Variants in SRP72 observed in about 807,000 individuals in gnomAD.
SRP72 encodes the protein signal recognition particle subunit SRP72.
Under a neutral mutation model 96.3 loss-of-function variants are expected in SRP72, and 49 were observed. The ratio of observed to expected loss-of-function variants is 0.51; its 90% CI spans 0.40 to 0.65. SRP72 has a LOEUF of 0.65. SRP72 is among the 30% of genes least tolerant of loss of function. The pLI is 0.00. For missense variants in SRP72, 736 were observed against 793.3 expected (o/e 0.93, Z 0.87); for synonymous variants, 267 against 275.2 (o/e 0.97, Z 0.30).
chr4:56,483,604 GT>G (rs1391659189), intron 9 of SRP72, among the ~76,000 whole-genome samples: 1 of 151,638 alleles, frequency 6.6e-6, no homozygotes, highest in East Asian at 1.9e-4. Context: ...CACAAGAATT[GT>G]TTGCAGTGAG....
At chr4:56,489,942 C>T (rs1222276188) in intron 13 of SRP72, among the ~76,000 whole-genome samples, 1 of 152,130 alleles carries the variant, frequency 6.6e-6, no homozygotes, top group African/African-American at 2.4e-5. Flanking sequence ...TATACATACG[C>T]TGTGCAGGTG....
chr4:56,467,809 G>A, intron 1 of SRP72, 65 bp downstream of exon 1: 2 of 1,361,622 alleles, frequency 1.5e-6, no homozygotes, highest in African/African-American at 1.5e-5. Flanking sequence ...TGTTTCCGGC[G>A]CGCGAGACCA....
chr4:56,488,822 C>T (rs369323303), intron 12 of SRP72, among the ~76,000 whole-genome samples: 1 of 152,056 alleles, frequency 6.6e-6, no homozygotes, highest in Non-Finnish European at 1.5e-5. Flanking sequence ...TCTGATTAGC[C>T]TGTCCAGAGG....
At chr4:56,493,884 C>T (rs933203085) in intron 16 of SRP72, among the ~76,000 whole-genome samples, 2 of 152,082 alleles carry the variant, frequency 1.3e-5, no homozygotes, top group Non-Finnish European at 2.9e-5. Context: ...GAACTTGAAT[C>T]TAGCAGAAGG....
chr4:56,481,215 A>T (rs1470085830), intron 8 of SRP72, among the ~76,000 whole-genome samples: 1 of 152,222 alleles, frequency 6.6e-6, no homozygotes, highest in Non-Finnish European at 1.5e-5. Context: ...AGTAAGAAAA[A>T]GTAGAATTTA....
Position 56,477,128 on chromosome 4 carries a change from G to GT in SRP72, c.642+436dup, listed in dbSNP as rs11351128. On this transcript the variant is annotated intron_variant, in intron 6 of 18. Transcript: ENST00000642900. ...AGCACTTCCATTATAGAGTCCTTATGTTTTTTTTTTGTTGTTTGTTTTTTA... is the reference window on the plus strand; with the variant it reads ...AGCACTTCCATTATAGAGTCCTTATGTTTTTTTTTTTGTTGTTTGTTTTTTA... The GT allele has an allele frequency of 5.3e-3, 793 of 149,906 alleles. 1 individual carries two copies. Among genetic ancestry groups the GT allele is most frequent in the Non-Finnish European group, 7.9e-3 (539 of 67,810 alleles). 9.3% of individuals were successfully genotyped at this position (149,906 alleles called of 1,614,324 possible).
intron 2 of SRP72, 84 bp from the exon 3 acceptor site, chr4:56,471,636 C>A: frequency 6.8e-7 from 1 of 1,477,506 alleles, no homozygotes. Context: ...AGGACTAAAT[C>A]CAGTGTTTAG....
chr4:56,482,456 A>C (rs1056000013), intron 8 of SRP72, among the ~76,000 whole-genome samples: 3 of 152,084 alleles, frequency 2.0e-5, no homozygotes, highest in African/African-American at 7.2e-5. Flanking sequence ...TCAAAAAAAA[A>C]AAAGGTATGT....
chr4:56,474,614 G>T (rs1006490394), intron 5 of SRP72: 2 of 562,162 alleles, frequency 3.6e-6, no homozygotes, highest in African/African-American at 1.9e-5. Flanking sequence ...CACGATCTCG[G>T]CTCACTGCAA....
intron 8 of SRP72, among the ~76,000 whole-genome samples, chr4:56,479,224 G>T (rs1431576134): frequency 6.6e-6 from 1 of 151,980 alleles, no homozygotes; most frequent in African/African-American, 2.4e-5. Context: ...CTGTCGCCCG[G>T]ACTGGAGTGC....
At chr4:56,469,799 A>G (rs767680409) in intron 2 of SRP72, 26 bp downstream of exon 2, 1 of 1,574,114 alleles carries the variant, frequency 6.4e-7, no homozygotes, top group Admixed American at 1.7e-5. Context: ...AGTTGCTTGT[A>G]CAGTTATTAG....
intron 17 of SRP72, among the ~76,000 whole-genome samples, chr4:56,499,253 T>G (rs542361243): frequency 6.6e-6 from 1 of 152,222 alleles, no homozygotes; most frequent in Admixed American, 6.5e-5. Context: ...GACTTAAACA[T>G]AAGACCTAAA....
intron 5 of SRP72, among the ~76,000 whole-genome samples, chr4:56,475,487 A>G (rs115013216): frequency 0.016 from 2,465 of 150,188 alleles, 59 homozygotes; most frequent in African/African-American, 0.057. Flanking sequence ...AGGAGGGCCT[A>G]GGAGGTTGAG....
At chr4:56,479,431 A>G (rs1253609848) in intron 8 of SRP72, among the ~76,000 whole-genome samples, 8 of 151,878 alleles carry the variant, frequency 5.3e-5, no homozygotes, top group African/African-American at 1.5e-4. Flanking sequence ...CGCCCACCTC[A>G]GCCTCCCAAA....
chr4:56,485,568 A>T (rs1473599855), intron 10 of SRP72, among the ~76,000 whole-genome samples: 1 of 152,168 alleles, frequency 6.6e-6, no homozygotes, highest in East Asian at 1.9e-4. Flanking sequence ...TGGGAGGCCC[A>T]ATCAGGCAGA....
chr4:56,489,832 A>G (rs924913692), intron 13 of SRP72, among the ~76,000 whole-genome samples: 2 of 152,188 alleles, frequency 1.3e-5, no homozygotes, highest in African/African-American at 4.8e-5. Flanking sequence ...TAATTAGTAC[A>G]ACAGTAATAC....
intron 12 of SRP72, among the ~76,000 whole-genome samples, chr4:56,488,404 C>G (rs919217946): frequency 6.6e-6 from 1 of 152,174 alleles, no homozygotes; most frequent in Non-Finnish European, 1.5e-5. Flanking sequence ...ATCATTAATA[C>G]AGCTGTGAAA....
rs951677954 is a variant in SRP72 at position 56,503,012 on chromosome 4, T to C, written c.*1151T>C. The C allele has an allele frequency of 6.6e-6, 1 of 152,198 alleles. No homozygotes were observed. The highest frequency in any genetic ancestry group is 2.4e-5 in the African/African-American group (1 of 41,456). The allele number at this position is 152,198 out of a possible 1,614,324, so 9.4% of individuals were successfully genotyped here. A position where few individuals can be genotyped will look rare whatever the true frequency, so the allele number is the denominator to read the frequency against. ...TCATTTTATGCTGCCCAAGATATCA[T>C]TTAATTTAGACTTAACAAGTATTTC... On this transcript the variant is annotated 3_prime_UTR_variant, in exon 19 of 19. Transcript: ENST00000642900.
intron 5 of SRP72, 197 bp from the exon 6 acceptor site, chr4:56,476,474 T>A: frequency 1.8e-6 from 1 of 568,622 alleles, no homozygotes; most frequent in Non-Finnish European, 3.0e-6. Context: ...GAAAGCAAAG[T>A]GCCAAAGAGC....
Sources: gnomAD v4.1 joint callset for allele counts (sites outside exome capture counted in the v4.1 genomes callset) on GRCh38, gnomAD v4.1.1 for gene constraint, MANE v1.5 for transcripts, NCBI Gene and HGNC (gene_info 2026-07-23, HGNC 2026-07-21) for gene names.